The following CRISPLD1 variants were observed in gnomAD, a reference collection of about 807,000 sequenced individuals.
The protein encoded by CRISPLD1 is cysteine rich secretory protein LCCL domain containing 1.
CRISPLD1 carries 60 observed loss-of-function variants against 77.5 expected under a neutral mutation model. That is an observed-to-expected ratio of 0.77 (90% CI 0.63 to 0.96). The LOEUF is 0.96. Ranked by LOEUF, CRISPLD1 falls within the 40% of genes least tolerant of loss-of-function variation. The pLI is 0.00. For missense variants in CRISPLD1, 623 were observed against 615.8 expected, an observed-to-expected ratio of 1.01 and a Z score of -0.12; for synonymous variants, 195 against 200.1, an observed-to-expected ratio of 0.97 and a Z score of 0.22.
At chr8:75,008,579 T>A (rs897180255) in intron 2 of CRISPLD1, among the ~76,000 whole-genome samples, 1 of 152,150 alleles carries the variant, frequency 6.6e-6, no homozygotes, top group African/African-American at 2.4e-5. Flanking sequence ...TTCGATTCTG[T>A]GAATAGATAA....
At chr8:75,012,408 A>C in intron 2 of CRISPLD1, 25 bp from the exon 3 acceptor site, 2 of 1,409,454 alleles carry the variant, frequency 1.4e-6, no homozygotes, top group Non-Finnish European at 2.0e-6. Context: ...ACATGTGCAC[A>C]TTTTGCTTTT....
chr8:74,998,543 C>T lies in CRISPLD1; in HGVS notation c.258+12298C>T, dbSNP rs2013470. 3.4e-3 allele frequency among the ~76,000 whole-genome samples: 516 copies of T among 151,770 alleles called. 3 individuals carry two copies. Among genetic ancestry groups the T allele is most frequent in the Non-Finnish European group, 4.0e-3 (269 of 67,934 alleles). ...TCTCTATTAAAAATAGAAAAATTAG[C>T]CAAGTATGGTGGTGCATGCCTGTAG... On this transcript the variant is annotated intron_variant, in intron 2 of 14. Coordinates refer to ENST00000262207, the MANE Select transcript of CRISPLD1 (RefSeq NM_031461.6).
intron 13 of CRISPLD1, among the ~76,000 whole-genome samples, chr8:75,028,855 A>G (rs1373764062): frequency 6.6e-6 from 1 of 151,686 alleles, no homozygotes; most frequent in Non-Finnish European, 1.5e-5. Context: ...TGTGTAGATT[A>G]TATTATTTAC....
rs1468437965 is a variant in CRISPLD1, at chr8:75,013,017, A to G, written c.505A>G (p.Thr169Ala). 6.3e-7 allele frequency: 1 copy of G among 1,593,354 alleles called. No individual in the cohort carries two copies. The highest frequency in any genetic ancestry group is 8.6e-7 in the Non-Finnish European group (1 of 1,167,180). ...RCSGPVCTHYTQVVWATSNRI... is the reference protein window; with the variant it reads ...RCSGPVCTHYAQVVWATSNRI... ...TTCTGGCCCTGTATGTACACATTAT[A>G]CACAGGTATGTTTGGGGGGTATTAT... is the stretch of plus-strand genomic sequence containing the variant. Residue 169 changes from threonine to alanine, a missense_variant, in exon 4 of 15, where the codon ACA (threonine) becomes GCA (alanine). Coordinates refer to ENST00000262207, the MANE Select transcript of CRISPLD1 (RefSeq NM_031461.6).
intron 14 of CRISPLD1, among the ~76,000 whole-genome samples, chr8:75,030,840 AT>A (rs1428969380): frequency 1.3e-5 from 2 of 150,706 alleles, no homozygotes; most frequent in Non-Finnish European, 3.0e-5. Context: ...GTTTCTGTGT[AT>A]ATATGTGAAT....
At chr8:75,001,568 G>A (rs1812741930) in intron 2 of CRISPLD1, among the ~76,000 whole-genome samples, 1 of 152,210 alleles carries the variant, frequency 6.6e-6, no homozygotes, top group South Asian at 2.1e-4. Context: ...CTTAAAAGAG[G>A]TATGTTTTGA....
At chr8:75,007,772 C>T (rs549214624) in intron 2 of CRISPLD1, among the ~76,000 whole-genome samples, 1 of 148,762 alleles carries the variant, frequency 6.7e-6, no homozygotes, top group East Asian at 2.0e-4. Flanking sequence ...GCCTCAAACT[C>T]CCTTGATCCT....
At chr8:75,016,440 A>G in intron 6 of CRISPLD1, 125 bp from the exon 7 acceptor site, 1 of 937,254 alleles carries the variant, frequency 1.1e-6, no homozygotes, top group East Asian at 2.7e-5. Flanking sequence ...AAACCTGTGC[A>G]GAAAAACAGT....
chr8:75,017,243 C>T (rs1813048367), intron 9 of CRISPLD1, 77 bp from the exon 10 acceptor site: 1 of 1,557,580 alleles, frequency 6.4e-7, no homozygotes, highest in Non-Finnish European at 8.8e-7. Context: ...TTGAAAGTCA[C>T]ATAAGTGGTA....
At position 74,985,914 on chromosome 8, in the gene CRISPLD1, A is replaced by C; in HGVS notation, c.-62-12A>C. ...GGAATTTTCATCTTAATCACATGAC[A>C]TGTCGTTATAGCCAAAAGGAGTGGA... On this transcript the variant is annotated splice_polypyrimidine_tract_variant and intron_variant, in intron 1 of 14. Transcript: ENST00000262207. 6.7e-7 allele frequency: 1 copy of C among 1,482,022 alleles called. No individual in the cohort carries two copies. Among genetic ancestry groups the C allele is most frequent in the Non-Finnish European group, 9.1e-7 (1 of 1,098,270 alleles). The allele number at this position is 1,482,022 out of a possible 1,614,324, so 91.8% of individuals were successfully genotyped here.
At chr8:75,000,636 C>T (rs1011966396) in intron 2 of CRISPLD1, among the ~76,000 whole-genome samples, 1 of 152,054 alleles carries the variant, frequency 6.6e-6, no homozygotes, top group Non-Finnish European at 1.5e-5. Context: ...TCTAAACCCT[C>T]CATACAGAGT....
At chr8:74,991,503 T>C (rs16939011) in intron 2 of CRISPLD1, among the ~76,000 whole-genome samples, 18,866 of 152,122 alleles carry the variant, frequency 0.12, 1,711 homozygotes, top group African/African-American at 0.25. Flanking sequence ...CTTGTGTTTA[T>C]TTGAACCTGT....
intron 14 of CRISPLD1, among the ~76,000 whole-genome samples, chr8:75,030,237 A>T (rs977691932): frequency 6.6e-6 from 1 of 152,158 alleles, no homozygotes; most frequent in Non-Finnish European, 1.5e-5. Flanking sequence ...GAACACACAC[A>T]TGTACACCAA....
Position 74,986,033 on chromosome 8 carries a change from T to A in CRISPLD1, c.46T>A (p.Phe16Ile), listed in dbSNP as rs1812490123. 1.2e-6 allele frequency: 2 copies of A among 1,614,028 alleles called. No homozygotes were observed. Among genetic ancestry groups the A allele is most frequent in the South Asian group, 2.2e-5 (2 of 91,078 alleles). Residue 16 changes from phenylalanine (F) to isoleucine (I), a missense_variant, in exon 2 of 15, where the codon TTC (phenylalanine) becomes ATC (isoleucine). Phe to Ile is a conservative substitution (Grantham distance 21). Transcript: ENST00000262207. The stretch of plus-strand genomic sequence containing the variant: ...GTGGCTCAGAGTAACCACAGTGCTG[T>A]TCATGGCTAGAGCAATTCCAGCCAT... ...REWLRVTTVL[F>I]MARAIPAMVV... is the part of the protein sequence containing the mutation.
intron 6 of CRISPLD1, among the ~76,000 whole-genome samples, chr8:75,015,498 TA>T (rs1319959008): frequency 2.6e-5 from 4 of 152,186 alleles, no homozygotes; most frequent in Admixed American, 6.6e-5. Context: ...TTATAGCACA[TA>T]AAGATAAACT....
In CRISPLD1 at chr8:75,016,940, A is replaced by C. The variant is rs777358751; in HGVS notation, c.928A>C (p.Arg310=). 1.3e-6 allele frequency: 2 copies of C among 1,545,716 alleles called. No individual in the cohort carries two copies. The highest frequency in any genetic ancestry group is 1.2e-5 in the South Asian group (1 of 81,096). Residue 310 remains arginine, a splice_region_variant and synonymous_variant, in exon 8 of 15, where the codon AGG becomes CGG. Coordinates refer to ENST00000262207, the MANE Select transcript of CRISPLD1 (RefSeq NM_031461.6). Reference sequence around the variant, plus strand: ...TCAGTGCAAAGGAACAACCTGCAATAGGTAATATTTGTTATTATTTTGAAA... The same window carrying C: ...TCAGTGCAAAGGAACAACCTGCAATCGGTAATATTTGTTATTATTTTGAAA... ...RDQCKGTTCN[R]YECPAGCLDS...
intron 2 of CRISPLD1, among the ~76,000 whole-genome samples, chr8:75,011,214 T>C (rs1812924097): frequency 6.6e-6 from 1 of 151,196 alleles, no homozygotes; most frequent in Admixed American, 6.6e-5. Flanking sequence ...CATGCTGGTG[T>C]GCTGCACCCA....
chr8:75,027,770 T>G (rs572259592), intron 13 of CRISPLD1, among the ~76,000 whole-genome samples: 1 of 152,306 alleles, frequency 6.6e-6, no homozygotes, highest in Non-Finnish European at 1.5e-5. Context: ...TCCCTTCTCT[T>G]TCTTTCCTTC....
At chr8:75,023,886 A>T (rs1333937933) in intron 12 of CRISPLD1, among the ~76,000 whole-genome samples, 1 of 152,176 alleles carries the variant, frequency 6.6e-6, no homozygotes, top group Non-Finnish European at 1.5e-5. Flanking sequence ...TAGATTTTTT[A>T]AAATATCATG....
Sources: gnomAD v4.1 joint callset for allele counts (sites outside exome capture counted in the v4.1 genomes callset) on GRCh38, gnomAD v4.1.1 for gene constraint, MANE v1.5 for transcripts, NCBI Gene and HGNC (gene_info 2026-07-23, HGNC 2026-07-21) for gene names.